Variants in FOXP1 observed in about 807,000 individuals in gnomAD.
The protein encoded by FOXP1 is forkhead box P1, also known as forkhead box protein P1.
In FOXP1, 15 loss-of-function variants were observed where a neutral mutation model predicts 98.2. The observed-to-expected ratio is 0.15, with a 90% CI of 0.10 to 0.24. The LOEUF (loss-of-function observed/expected upper bound fraction) is 0.24, where lower values mean the gene tolerates loss of function less well. Among genes scored for constraint, FOXP1 ranks in the 10% least tolerant of loss-of-function variants. The pLI is 1.00. For missense variants in FOXP1, 633 were observed against 848.5 expected (o/e 0.75, Z 3.15); for synonymous variants, 371 against 314.5 (o/e 1.18, Z -1.90).
intron 1 of FOXP1, chr3:71,582,234 G>A: frequency 4.1e-6 from 4 of 985,364 alleles, no homozygotes; most frequent in Non-Finnish European, 3.6e-6. Flanking sequence ...GGCTCGTCGA[G>A]GGCCAAAAAG....
At chr3:71,165,756 C>T (rs897366428) in intron 6 of FOXP1, among the ~76,000 whole-genome samples, 6 of 152,050 alleles carry the variant, frequency 3.9e-5, no homozygotes, top group African/African-American at 1.2e-4. Flanking sequence ...CAGAGGCATC[C>T]GAGACAACCA....
At chr3:71,001,591 TG>T (rs1283842371) in intron 12 of FOXP1, among the ~76,000 whole-genome samples, 9 of 150,450 alleles carry the variant, frequency 6.0e-5, no homozygotes, top group African/African-American at 2.5e-5. Flanking sequence ...GTACCAATGG[TG>T]GGGGGTGGGG....
chr3:71,267,121 G>GAC (rs1329190904), intron 5 of FOXP1, among the ~76,000 whole-genome samples: 19 of 101,412 alleles, frequency 1.9e-4, no homozygotes, highest in Admixed American at 1.2e-3. Flanking sequence ...TTTTATGGGA[G>GAC]AGAGTGTGTG....
At chr3:71,260,867 A>C (rs568792148) in intron 5 of FOXP1, among the ~76,000 whole-genome samples, 1 of 152,146 alleles carries the variant, frequency 6.6e-6, no homozygotes, top group African/African-American at 2.4e-5. Flanking sequence ...TAAAGAACAG[A>C]GGTCTCCGAG....
chr3:71,153,497 C>T (rs2060671077), intron 6 of FOXP1, among the ~76,000 whole-genome samples: 1 of 123,402 alleles, frequency 8.1e-6, no homozygotes, highest in Non-Finnish European at 1.9e-5. Context: ...GCCCCCACTG[C>T]CCCCCGCAAT....
intron 6 of FOXP1, among the ~76,000 whole-genome samples, chr3:71,175,870 A>G (rs7623157): frequency 0.23 from 35,631 of 152,136 alleles, 4,445 homozygotes; most frequent in Middle Eastern, 0.33. Context: ...TGACTGGAGC[A>G]GTGTTCTATG....
chr3:71,372,740 C>T (rs2079433404), intron 3 of FOXP1, among the ~76,000 whole-genome samples: 1 of 152,126 alleles, frequency 6.6e-6, no homozygotes, highest in Admixed American at 6.5e-5. Context: ...AAAAGAAAAC[C>T]TCACTCGAAG....
chr3:71,453,252 T>C (rs892687297), intron 3 of FOXP1, among the ~76,000 whole-genome samples: 1 of 152,126 alleles, frequency 6.6e-6, no homozygotes, highest in Non-Finnish European at 1.5e-5. Flanking sequence ...TCATGATAAA[T>C]GCCAAGACCA....
chr3:71,574,728 C>G (rs2047597476), intron 2 of FOXP1, among the ~76,000 whole-genome samples: 1 of 152,140 alleles, frequency 6.6e-6, no homozygotes, highest in African/African-American at 2.4e-5. Flanking sequence ...TTGGTAGCTA[C>G]AGCATGACAA....
chr3:71,540,784 A>G (rs944660166), intron 2 of FOXP1, among the ~76,000 whole-genome samples: 4 of 152,246 alleles, frequency 2.6e-5, no homozygotes, highest in African/African-American at 4.8e-5. Flanking sequence ...GAATACAGAC[A>G]TACACGCATA....
intron 3 of FOXP1, among the ~76,000 whole-genome samples, chr3:71,457,447 C>G (rs558282635): frequency 4.2e-4 from 64 of 152,222 alleles, no homozygotes; most frequent in African/African-American, 1.3e-3. Context: ...AAAATATCCT[C>G]GGTAATCACA....
At chr3:71,502,968 G>A (rs1392226) in intron 2 of FOXP1, among the ~76,000 whole-genome samples, 52,745 of 126,674 alleles carry the variant, frequency 0.42, 10,123 homozygotes, top group Non-Finnish European at 0.47. Context: ...ATTTTTGCCT[G>A]CTTTACAATT....
intron 5 of FOXP1, among the ~76,000 whole-genome samples, chr3:71,200,083 C>CAAAAAAAAAAAAAAA (rs61281811): frequency 3.9e-5 from 3 of 76,106 alleles, no homozygotes; most frequent in Non-Finnish European, 7.0e-5. Context: ...CTCCATCTCA[C>CAAAAAAAAAAAAAAA]AAAAAAAAAA....
At chr3:71,487,168 AC>A (rs1161363336) in intron 3 of FOXP1, among the ~76,000 whole-genome samples, 5 of 152,146 alleles carry the variant, frequency 3.3e-5, no homozygotes, top group Non-Finnish European at 7.3e-5. Context: ...GAAAAAAAAA[AC>A]ACTACAAAAC....
At chr3:71,072,501 G>A (rs1022573264) in intron 7 of FOXP1, among the ~76,000 whole-genome samples, 4 of 152,154 alleles carry the variant, frequency 2.6e-5, no homozygotes, top group African/African-American at 7.2e-5. Flanking sequence ...ACATTCTCTA[G>A]GTCATAAGCC....
Position 71,052,528 on chromosome 3 carries a change from T to C in FOXP1, c.510+9A>G, listed in dbSNP as rs1190970719. ...TGTGGTTTGAAAGTAAAATATGTAT[T>C]GTCGGTACCTCTTTAGGCTGTTTTC... On this transcript the variant is annotated intron_variant, in intron 9 of 20. Coordinates refer to ENST00000649528, the MANE Select transcript of FOXP1 (RefSeq NM_001349338.3). The C allele has an allele frequency of 2.8e-6, 3 of 1,079,744 alleles. No individual in the cohort carries two copies. The highest frequency in any genetic ancestry group is 4.3e-6 in the Non-Finnish European group (3 of 691,114). The allele number at this position is 1,079,744 out of a possible 1,614,324, so 66.9% of individuals were successfully genotyped here.
chr3:71,463,353 T>TC (rs2088340598), intron 3 of FOXP1, among the ~76,000 whole-genome samples: 1 of 45,658 alleles, frequency 2.2e-5, no homozygotes, highest in Admixed American at 3.1e-4. Flanking sequence ...AGACACTGTC[T>TC]CAAAAAAAAA....
At chr3:71,490,786 A>T (rs1408135949) in intron 3 of FOXP1, among the ~76,000 whole-genome samples, 2 of 152,176 alleles carry the variant, frequency 1.3e-5, no homozygotes, top group Non-Finnish European at 2.9e-5. Flanking sequence ...TCTTCAACAA[A>T]TCCATTCATG....
At chr3:71,268,090 CT>C (rs754818021) in intron 5 of FOXP1, among the ~76,000 whole-genome samples, 280 of 100,364 alleles carry the variant, frequency 2.8e-3, no homozygotes, top group Middle Eastern at 0.014. Flanking sequence ...CTTTTCTTTT[CT>C]TTTTTTTTTT....
Sources: allele counts gnomAD v4.1 joint callset (sites outside exome capture counted in the v4.1 genomes callset), GRCh38; gene constraint gnomAD v4.1.1; transcripts MANE v1.5; gene names NCBI Gene and HGNC (gene_info 2026-07-23, HGNC 2026-07-21).